The following ATF7IP variants were observed in gnomAD, a reference collection of about 807,000 sequenced individuals.
ATF7IP encodes the protein activating transcription factor 7-interacting protein 1.
Under a neutral mutation model 106.4 loss-of-function variants are expected in ATF7IP, and 23 were observed. The observed-to-expected ratio is 0.22, with a 90% CI of 0.16 to 0.31. The LOEUF (loss-of-function observed/expected upper bound fraction) is 0.31, where lower values mean the gene tolerates loss of function less well. Among genes scored for constraint, ATF7IP ranks in the 10% least tolerant of loss-of-function variants. The probability of loss-of-function intolerance (pLI) is 1.00; values close to 1 mark genes in which losing one functional copy is unlikely to be tolerated. For synonymous variants in ATF7IP, 542 were observed against 539.0 expected, an observed-to-expected ratio of 1.01 and a Z score of -0.08; for missense variants, 1,334 against 1,524.3, an observed-to-expected ratio of 0.88 and a Z score of 2.08.
At chr12:14,467,450 TAGC>T (rs1407403068) in intron 10 of ATF7IP, among the ~76,000 whole-genome samples, 17 of 152,212 alleles carry the variant, frequency 1.1e-4, no homozygotes, top group African/African-American at 3.9e-4. Context: ...TTAGAAATGT[TAGC>T]AGTCTTTGTG....
chr12:14,500,497 T>C lies in ATF7IP; in HGVS notation c.*2424T>C, dbSNP rs1340577594. ...CAATGAAAATTTCAGAAAGGAGGAG[T>C]TGATGATCTTCTAGATGTATATGAA... On this transcript the variant is annotated 3_prime_UTR_variant, in exon 15 of 15. Transcript: ENST00000261168. The C allele has an allele frequency of 6.6e-6, 1 of 151,968 alleles. No homozygotes were observed. The highest frequency in any genetic ancestry group is 1.5e-5 in the Non-Finnish European group (1 of 67,992). The allele number at this position is 151,968 out of a possible 1,614,324, so 9.4% of individuals were successfully genotyped here. A position where few individuals can be genotyped will look rare whatever the true frequency, so the allele number is the denominator to read the frequency against.
Position 14,486,684 on chromosome 12 carries a change from C to T in ATF7IP, c.3280+5499C>T, listed in dbSNP as rs1383316689. On this transcript the variant is annotated intron_variant, in intron 13 of 14. Coordinates refer to ENST00000261168, the MANE Select transcript of ATF7IP (RefSeq NM_018179.5). ...GCTAGAGCTCTATACAAGTCGGACT[C>T]TTCTAACTGCCACTTTGCCTCTGCT... Among the ~76,000 whole-genome samples, 5 of 152,182 alleles carry T rather than the reference C, an allele frequency of 3.3e-5. No homozygotes were observed. In the South Asian group the frequency reaches 6.2e-4, roughly 19 times the overall value.
intron 5 of ATF7IP, among the ~76,000 whole-genome samples, chr12:14,445,674 T>C (rs1037815242): frequency 4.6e-5 from 7 of 152,168 alleles, no homozygotes; most frequent in Non-Finnish European, 8.8e-5. Context: ...GGCCATAATA[T>C]TGGACTTAAG....
intron 4 of ATF7IP, among the ~76,000 whole-genome samples, chr12:14,437,025 G>A (rs1436326913): frequency 6.6e-6 from 1 of 152,006 alleles, no homozygotes; most frequent in African/African-American, 2.4e-5. Flanking sequence ...GTGTACTTGA[G>A]GGTTAGTATA....
At position 14,425,482 on chromosome 12, in the gene ATF7IP, A is replaced by G; in HGVS notation, c.1558+9A>G. The G allele has an allele frequency of 6.6e-7, 1 of 1,509,580 alleles. No individual in the cohort carries two copies. Among genetic ancestry groups the G allele is most frequent in the Non-Finnish European group, 8.8e-7 (1 of 1,132,168 alleles). The allele number at this position is 1,509,580 out of a possible 1,614,324, so 93.5% of individuals were successfully genotyped here. On this transcript the variant is annotated intron_variant, in intron 2 of 14. Coordinates refer to ENST00000261168, the MANE Select transcript of ATF7IP (RefSeq NM_018179.5). Reference sequence around the variant, plus strand: ...TGAAACGTGCTCTCCAGGTTAGCATATAACTTAAATGTTAAAGATTTTTTA... The same window carrying G: ...TGAAACGTGCTCTCCAGGTTAGCATGTAACTTAAATGTTAAAGATTTTTTA...
intron 7 of ATF7IP, 22 bp downstream of exon 7, chr12:14,456,656 A>ACAG: frequency 6.5e-7 from 1 of 1,539,060 alleles, no homozygotes; most frequent in South Asian, 1.1e-5. Flanking sequence ...TAGTCTGTCT[A>ACAG]GTTTTTAAAA....
At chr12:14,403,030 A>G (rs531906825) in intron 1 of ATF7IP, among the ~76,000 whole-genome samples, 7 of 151,948 alleles carry the variant, frequency 4.6e-5, no homozygotes, top group Non-Finnish European at 8.8e-5. Context: ...GTGGTGTTTT[A>G]TTACTATGGT....
intron 6 of ATF7IP, among the ~76,000 whole-genome samples, chr12:14,455,006 C>T (rs1943369495): frequency 6.6e-6 from 1 of 151,844 alleles, no homozygotes; most frequent in African/African-American, 2.4e-5. Flanking sequence ...TGGCAAAACC[C>T]CACGTCTACT....
Position 14,399,716 on chromosome 12 carries a change from A to AT in ATF7IP, c.-7-24192dup, listed in dbSNP as rs139941011. 3.0e-3 allele frequency among the ~76,000 whole-genome samples: 460 copies of AT among 151,762 alleles called. 2 individuals carry two copies. Among genetic ancestry groups the AT allele is most frequent in the African/African-American group, 0.011 (445 of 41,366 alleles). On this transcript the variant is annotated intron_variant, in intron 1 of 14. Transcript: ENST00000261168. ...GTTCTTGTGAGTGTAATATCTTCTCATACACTTAGAGGATTTTTTAATATA... is the reference window on the plus strand; with the variant it reads ...GTTCTTGTGAGTGTAATATCTTCTCATTACACTTAGAGGATTTTTTAATATA...
intron 1 of ATF7IP, among the ~76,000 whole-genome samples, chr12:14,381,966 G>T (rs1939021651): frequency 1.3e-5 from 2 of 151,618 alleles, no homozygotes; most frequent in African/African-American, 2.4e-5. Context: ...ATTTTACATG[G>T]TCATTGCAAG....
intron 9 of ATF7IP, 50 bp from the exon 10 acceptor site, chr12:14,466,475 AC>A: frequency 6.8e-7 from 1 of 1,460,660 alleles, no homozygotes; most frequent in Non-Finnish European, 9.5e-7. Context: ...AAGCAACTTA[AC>A]TTTTTACATT....
At chr12:14,378,648 ATTC>A (rs773024781) in intron 1 of ATF7IP, among the ~76,000 whole-genome samples, 2 of 152,160 alleles carry the variant, frequency 1.3e-5, no homozygotes, top group Non-Finnish European at 1.5e-5. Context: ...GTCTTAGGTA[ATTC>A]TTCTTTTTTT....
intron 10 of ATF7IP, among the ~76,000 whole-genome samples, chr12:14,472,864 G>A (rs1944104536): frequency 6.6e-6 from 1 of 152,064 alleles, no homozygotes; most frequent in Non-Finnish European, 1.5e-5. Context: ...TTGCTAAAAT[G>A]AAATACCTGA....
intron 1 of ATF7IP, among the ~76,000 whole-genome samples, chr12:14,407,380 CTCTT>C (rs1940649777): frequency 6.7e-6 from 1 of 150,286 alleles, no homozygotes; most frequent in Non-Finnish European, 1.5e-5. Flanking sequence ...TTTTTGTTTT[CTCTT>C]TCTTATTTAT....
chr12:14,496,007 G>T (rs1945000445), intron 13 of ATF7IP, among the ~76,000 whole-genome samples: 1 of 152,152 alleles, frequency 6.6e-6, no homozygotes, highest in Non-Finnish European at 1.5e-5. Context: ...GAAAGGGTTT[G>T]TGGTAGTTAG....
chr12:14,463,786 T>A (rs937222307), intron 9 of ATF7IP, among the ~76,000 whole-genome samples: 2 of 152,126 alleles, frequency 1.3e-5, no homozygotes, highest in Non-Finnish European at 2.9e-5. Flanking sequence ...TGAAAAAGAT[T>A]TAAAAGTTAT....
intron 11 of ATF7IP, chr12:14,476,169 G>A (rs1944255796): frequency 2.1e-6 from 1 of 466,592 alleles, no homozygotes; most frequent in South Asian, 2.5e-5. Flanking sequence ...AGTGCTTTGG[G>A]AGGCCAAGGC....
intron 2 of ATF7IP, among the ~76,000 whole-genome samples, chr12:14,426,087 A>G (rs951460905): frequency 3.9e-5 from 6 of 152,014 alleles, no homozygotes; most frequent in African/African-American, 1.4e-4. Context: ...CAATTCTCTT[A>G]TTTGATATTG....
intron 1 of ATF7IP, among the ~76,000 whole-genome samples, chr12:14,392,288 C>A (rs1056853756): frequency 6.6e-6 from 1 of 151,150 alleles, no homozygotes; most frequent in Non-Finnish European, 1.5e-5. Context: ...TGGGAGAAAT[C>A]TGGTCTACTG....
Sources: allele counts gnomAD v4.1 joint callset (sites outside exome capture counted in the v4.1 genomes callset), GRCh38; gene constraint gnomAD v4.1.1; transcripts MANE v1.5; gene names NCBI Gene and HGNC (gene_info 2026-07-23, HGNC 2026-07-21).